DAGLB: variants seen among roughly 807,000 people sequenced by gnomAD.
DAGLB encodes diacylglycerol lipase-beta.
DAGLB carries 66 observed loss-of-function variants against 72.1 expected under a neutral mutation model. The observed-to-expected ratio is 0.92, with a 90% CI of 0.75 to 1.12. The LOEUF is 1.12. Ranked by LOEUF, DAGLB falls within the 50% of genes most tolerant of loss-of-function variation. The pLI is 0.00. For missense variants in DAGLB, 1,065 were observed against 884.9 expected (o/e 1.20, Z -2.58); for synonymous variants, 414 against 359.5 (o/e 1.15, Z -1.71).
chr7:6,426,964 C>T (rs1784330686), intron 6 of DAGLB, among the ~76,000 whole-genome samples: 1 of 152,020 alleles, frequency 6.6e-6, no homozygotes, highest in African/African-American at 2.4e-5. Context: ...AAAACTCAGC[C>T]AGGTGTGGTG....
intron 11 of DAGLB, among the ~76,000 whole-genome samples, chr7:6,414,155 C>T (rs896143232): frequency 7.9e-5 from 12 of 151,704 alleles, no homozygotes; most frequent in South Asian, 2.1e-4. Flanking sequence ...GGACTACAGG[C>T]GCCCACCACC....
chr7:6,437,703 C>T (rs1784709052), intron 2 of DAGLB, among the ~76,000 whole-genome samples: 1 of 152,072 alleles, frequency 6.6e-6, no homozygotes, highest in African/African-American at 2.4e-5. Context: ...GGCTGGAGTG[C>T]AGTAGTGTGA....
rs1562486967 is a variant in DAGLB, at chr7:6,434,963, C to T, written c.477G>A (p.Gly159=). 1 of 1,614,060 alleles carries T rather than the reference C, an allele frequency of 6.2e-7. No homozygotes were observed. The highest frequency in any genetic ancestry group is 8.5e-7 in the Non-Finnish European group (1 of 1,180,016). Residue 159 remains glycine, a synonymous_variant, in exon 4 of 15, where the codon GGG becomes GGA. Transcript: ENST00000297056. ...CAGAGGAATATGGAGCCATTTTCCC[C>T]CCAAGAGGGTCAAAGACAATGATAA... ...VSIIIVFDPL[G]GKMAPYSSAG...
chr7:6,410,938 G>A (rs1453638714), intron 13 of DAGLB, among the ~76,000 whole-genome samples: 3 of 139,570 alleles, frequency 2.1e-5, no homozygotes, highest in Admixed American at 7.7e-5. Flanking sequence ...AGGCTGGAGT[G>A]CAGTGGCACA....
chr7:6,431,997 T>C (rs1784500408), intron 5 of DAGLB, among the ~76,000 whole-genome samples: 1 of 152,100 alleles, frequency 6.6e-6, no homozygotes, highest in African/African-American at 2.4e-5. Flanking sequence ...CTTCGTGACA[T>C]GAGTTTACCG....
At chr7:6,422,942 G>A (rs957804198) in intron 8 of DAGLB, 1 of 152,342 alleles carries the variant, frequency 6.6e-6, no homozygotes, top group African/African-American at 2.4e-5. Context: ...GCCACTGGAG[G>A]TATCTGAGCA....
chr7:6,444,939 C>A (rs1046966024), intron 2 of DAGLB, among the ~76,000 whole-genome samples: 6 of 152,260 alleles, frequency 3.9e-5, no homozygotes, highest in Admixed American at 6.5e-5. Flanking sequence ...AAAACAAAAT[C>A]ATGAGCTACC....
intron 9 of DAGLB, among the ~76,000 whole-genome samples, chr7:6,420,448 AAAAG>A (rs911990390): frequency 6.6e-6 from 1 of 151,782 alleles, no homozygotes; most frequent in African/African-American, 2.4e-5. Context: ...TCAAAAAAAA[AAAAG>A]AAAAGAAACA....
At chr7:6,437,428 G>A (rs74894305) in intron 2 of DAGLB, among the ~76,000 whole-genome samples, 3,335 of 152,144 alleles carry the variant, frequency 0.022, 57 homozygotes, top group Middle Eastern at 0.041. Context: ...CTCAGAGAGC[G>A]TAATAGCTAC....
intron 1 of DAGLB, 122 bp from the exon 2 acceptor site, chr7:6,446,226 T>G: frequency 1.0e-6 from 1 of 984,052 alleles, no homozygotes; most frequent in African/African-American, 1.7e-5. Context: ...CACAGCACTT[T>G]GGGAGGGTGA....
At chr7:6,416,043 G>A (rs911914511) in intron 11 of DAGLB, among the ~76,000 whole-genome samples, 30 of 152,094 alleles carry the variant, frequency 2.0e-4, no homozygotes, top group African/African-American at 5.8e-4. Flanking sequence ...TGAGAATGGG[G>A]GAGGTTGTGC....
intron 9 of DAGLB, among the ~76,000 whole-genome samples, chr7:6,418,733 C>T (rs1000632519): frequency 9.2e-5 from 14 of 151,822 alleles, no homozygotes; most frequent in South Asian, 2.1e-4. Flanking sequence ...GGCTCGATCT[C>T]GGCTCACTGC....
At chr7:6,446,944 AG>A (rs1785025905) in intron 1 of DAGLB, among the ~76,000 whole-genome samples, 1 of 152,100 alleles carries the variant, frequency 6.6e-6, no homozygotes, top group African/African-American at 2.4e-5. Flanking sequence ...CAGGAGGTTG[AG>A]GCTGCAGTGA....
chr7:6,413,793 C>T (rs901243040), intron 11 of DAGLB, among the ~76,000 whole-genome samples: 5 of 152,216 alleles, frequency 3.3e-5, no homozygotes, highest in African/African-American at 1.2e-4. Flanking sequence ...TAGTGCGTCC[C>T]GCACAGCTGG....
Position 6,432,819 on chromosome 7 carries a change from C to T in DAGLB, c.801+18G>A, listed in dbSNP as rs749045325. 1.9e-6 allele frequency: 3 copies of T among 1,612,082 alleles called. No individual in the cohort carries two copies. Among genetic ancestry groups the T allele is most frequent in the Non-Finnish European group, 2.5e-6 (3 of 1,179,402 alleles). ...GGTGTAAGTGTCAGAACTGGACACT[C>T]CATGAAGCCAGGCTCACCTGGGAGC... On this transcript the variant is annotated intron_variant, in intron 5 of 14. Coordinates refer to ENST00000297056, the MANE Select transcript of DAGLB (RefSeq NM_139179.4).
At chr7:6,417,096 C>T (rs937243766) in intron 9 of DAGLB, 175 bp from the exon 10 acceptor site, 3 of 690,518 alleles carry the variant, frequency 4.3e-6, no homozygotes, top group Non-Finnish European at 4.8e-6. Context: ...CCTTGCACAG[C>T]GCCTGACGTG....
chr7:6,434,639 C>A, intron 4 of DAGLB, 123 bp downstream of exon 4: 1 of 1,486,398 alleles, frequency 6.7e-7, no homozygotes, highest in Non-Finnish European at 9.1e-7. Flanking sequence ...TCTCCGGCCA[C>A]CCCCCACACA....
Position 6,410,253 on chromosome 7 carries a change from A to G in DAGLB, c.1697T>C (p.Leu566Pro). The G allele has an allele frequency of 6.2e-7, 1 of 1,613,452 alleles. No individual in the cohort carries two copies. Reference protein sequence around the residue: ...TQPLLGEQSLLTRWSPAYSFS... With the variant: ...TQPLLGEQSLPTRWSPAYSFS... ...GCTGTAGGCCGGGGACCAGCGCGTCAGTAGGCTCTGCTCCCCCAGAAGAGG... is the reference window on the plus strand; with the variant it reads ...GCTGTAGGCCGGGGACCAGCGCGTCGGTAGGCTCTGCTCCCCCAGAAGAGG... Residue 566 changes from leucine (L) to proline (P), a missense_variant, in exon 14 of 15, where the codon CTG (leucine) becomes CCG (proline). Coordinates refer to ENST00000297056, the MANE Select transcript of DAGLB (RefSeq NM_139179.4).
At chr7:6,426,211 G>C (rs1221934523) in intron 6 of DAGLB, 97 bp from the exon 7 acceptor site, 3 of 1,552,992 alleles carry the variant, frequency 1.9e-6, no homozygotes, top group Admixed American at 3.5e-5. Flanking sequence ...GCGAGGACCA[G>C]AGCGGACAAT....
Sources: gnomAD v4.1 joint callset for allele counts (sites outside exome capture counted in the v4.1 genomes callset) on GRCh38, gnomAD v4.1.1 for gene constraint, MANE v1.5 for transcripts, NCBI Gene and HGNC (gene_info 2026-07-23, HGNC 2026-07-21) for gene names.